Variants in MAN1A1 observed in about 807,000 individuals in gnomAD.
The protein encoded by MAN1A1 is mannosidase alpha class 1A member 1.
MAN1A1 carries 29 observed loss-of-function variants against 70.8 expected under a neutral mutation model. The ratio of observed to expected loss-of-function variants is 0.41; its 90% CI spans 0.31 to 0.56. The LOEUF (loss-of-function observed/expected upper bound fraction) is 0.56, where lower values mean the gene tolerates loss of function less well. MAN1A1 is among the 20% of genes least tolerant of loss of function. The pLI is 0.29. For synonymous variants in MAN1A1, 349 were observed against 330.1 expected (o/e 1.06, Z -0.62); for missense variants, 747 against 841.3 (o/e 0.89, Z 1.39).
At chr6:119,303,362 T>G (rs1320990031) in intron 3 of MAN1A1, among the ~76,000 whole-genome samples, 1 of 152,160 alleles carries the variant, frequency 6.6e-6, no homozygotes, top group Non-Finnish European at 1.5e-5. Flanking sequence ...TCCAGATTCC[T>G]TATGGTGTCC....
chr6:119,338,685 CA>C (rs1773527037), intron 2 of MAN1A1, among the ~76,000 whole-genome samples: 1 of 152,204 alleles, frequency 6.6e-6, no homozygotes, highest in Non-Finnish European at 1.5e-5. Flanking sequence ...CCAGAGAGGT[CA>C]ATACCTTCCT....
chr6:119,326,205 T>G (rs1230657826), intron 2 of MAN1A1, among the ~76,000 whole-genome samples: 2 of 152,210 alleles, frequency 1.3e-5, no homozygotes, highest in Non-Finnish European at 2.9e-5. Context: ...TATACCTGTG[T>G]GGGTGGCTCT....
chr6:119,189,712 G>T lies in MAN1A1; in HGVS notation c.1498C>A (p.Leu500Ile). The change falls in exon 10 of 13, where the codon CTC becomes ATC. Residue 500 changes from leucine to isoleucine, a missense_variant. Leu to Ile is a conservative substitution (Grantham distance 5, BLOSUM62 2). This residue lies in a region of MAN1A1 where 419 missense variants were observed against 548.2 expected (regional missense o/e 0.76). Coordinates refer to ENST00000368468, the MANE Select transcript of MAN1A1 (RefSeq NM_005907.4). Reference protein sequence around the residue: ...PEGMAQHYLELGAEIARTCHE... With the variant: ...PEGMAQHYLEIGAEIARTCHE... The stretch of plus-strand genomic sequence containing the variant: ...CAAGTACGGGCAATTTCAGCCCCGA[G>T]TTCAAGGTAGTGTTGGGCCATGCCT... The T allele has an allele frequency of 6.2e-7, 1 of 1,614,100 alleles. No homozygotes were observed.
At chr6:119,332,881 T>A (rs1357398766) in intron 2 of MAN1A1, among the ~76,000 whole-genome samples, 1 of 152,104 alleles carries the variant, frequency 6.6e-6, no homozygotes. Context: ...ACTTGGGGAC[T>A]TGGTATATAC....
chr6:119,278,246 G>C (rs1776131527), intron 5 of MAN1A1, among the ~76,000 whole-genome samples: 1 of 152,130 alleles, frequency 6.6e-6, no homozygotes, highest in African/African-American at 2.4e-5. Context: ...TAAAATTCCA[G>C]TATATTTTAG....
chr6:119,261,228 C>T (rs1461660715), intron 5 of MAN1A1, among the ~76,000 whole-genome samples: 4 of 152,120 alleles, frequency 2.6e-5, no homozygotes, highest in Admixed American at 2.6e-4. Context: ...ATCCACCCGC[C>T]TCCACCTCCT....
intron 4 of MAN1A1, among the ~76,000 whole-genome samples, chr6:119,291,880 G>A (rs768906524): frequency 2.8e-4 from 43 of 152,136 alleles, no homozygotes; most frequent in Middle Eastern, 3.4e-3. Context: ...CAGGTCCTGT[G>A]CTAATGTCTT....
intron 5 of MAN1A1, 52 bp from the exon 6 acceptor site, chr6:119,248,406 G>A (rs1446200849): frequency 2.2e-6 from 2 of 919,688 alleles, no homozygotes; most frequent in African/African-American, 3.3e-5. Flanking sequence ...AAAACAAGAT[G>A]AACTATACTA....
At chr6:119,338,984 G>C (rs1044317560) in intron 2 of MAN1A1, among the ~76,000 whole-genome samples, 5 of 152,082 alleles carry the variant, frequency 3.3e-5, no homozygotes, top group African/African-American at 4.8e-5. Context: ...TCACTCCTTA[G>C]GCCTCCAAGC....
At chr6:119,245,446 C>T (rs1024498383) in intron 6 of MAN1A1, among the ~76,000 whole-genome samples, 1 of 152,104 alleles carries the variant, frequency 6.6e-6, no homozygotes, top group African/African-American at 2.4e-5. Flanking sequence ...ATGACACCAA[C>T]AGCACATTTT....
intron 2 of MAN1A1, among the ~76,000 whole-genome samples, chr6:119,331,495 C>T (rs1773308550): frequency 6.7e-6 from 1 of 149,752 alleles, no homozygotes; most frequent in South Asian, 2.1e-4. Flanking sequence ...TCCAGAACCC[C>T]CAATAACTTT....
intron 2 of MAN1A1, among the ~76,000 whole-genome samples, chr6:119,326,672 G>A (rs555486758): frequency 1.3e-5 from 2 of 152,328 alleles, no homozygotes; most frequent in African/African-American, 2.4e-5. Context: ...AATCATGGTG[G>A]AAGGTGAAGC....
intron 2 of MAN1A1, among the ~76,000 whole-genome samples, chr6:119,338,945 C>T (rs1773534658): frequency 6.6e-6 from 1 of 152,208 alleles, no homozygotes; most frequent in Non-Finnish European, 1.5e-5. Context: ...ATTGAGCCGG[C>T]TTGCCAGATC....
intron 6 of MAN1A1, among the ~76,000 whole-genome samples, chr6:119,227,864 GA>G (rs1459837106): frequency 6.6e-6 from 1 of 151,894 alleles, no homozygotes; most frequent in East Asian, 1.9e-4. Flanking sequence ...TCTATAATCA[GA>G]AAAAAGAAAC....
chr6:119,209,884 C>G (rs2267673), intron 6 of MAN1A1, among the ~76,000 whole-genome samples: 1 of 151,644 alleles, frequency 6.6e-6, no homozygotes, highest in Non-Finnish European at 1.5e-5. Flanking sequence ...GGAAAGGTGG[C>G]TAATAGAGGG....
At chr6:119,310,574 T>C (rs887002317) in intron 2 of MAN1A1, among the ~76,000 whole-genome samples, 4 of 152,120 alleles carry the variant, frequency 2.6e-5, no homozygotes, top group African/African-American at 4.8e-5. Flanking sequence ...TTCTCACTAA[T>C]GGATGGGATG....
At chr6:119,340,685 T>C (rs1773573350) in intron 2 of MAN1A1, among the ~76,000 whole-genome samples, 1 of 152,184 alleles carries the variant, frequency 6.6e-6, no homozygotes, top group African/African-American at 2.4e-5. Flanking sequence ...TTTCAGAACT[T>C]GGTGTCCTTC....
intron 5 of MAN1A1, among the ~76,000 whole-genome samples, chr6:119,266,570 T>C (rs762940516): frequency 6.6e-6 from 1 of 152,088 alleles, no homozygotes; most frequent in African/African-American, 2.4e-5. Flanking sequence ...ACAGACCTTA[T>C]ACCTTTCACA....
At chr6:119,188,324 G>C (rs1334799975) in intron 11 of MAN1A1, 81 bp downstream of exon 11, 1 of 1,307,390 alleles carries the variant, frequency 7.6e-7, no homozygotes, top group Non-Finnish European at 1.1e-6. Context: ...TAGAAAAGTT[G>C]ATAAGCCTGA....
Sources: allele counts gnomAD v4.1 joint callset (sites outside exome capture counted in the v4.1 genomes callset), GRCh38; gene constraint gnomAD v4.1.1; regional missense constraint gnomAD v4.1.1; transcripts MANE v1.5; gene names NCBI Gene and HGNC (gene_info 2026-07-23, HGNC 2026-07-21).